DROSHA: variants seen among roughly 807,000 people sequenced by gnomAD.
The protein encoded by DROSHA is ribonuclease 3.
In DROSHA, 56 loss-of-function variants were observed where a neutral mutation model predicts 181.9. The ratio of observed to expected loss-of-function variants is 0.31; its 90% CI spans 0.25 to 0.38. DROSHA has a LOEUF of 0.38. Ranked by LOEUF, DROSHA falls within the 10% of genes least tolerant of loss-of-function variation. The pLI is 1.00. For synonymous variants in DROSHA, 524 were observed against 591.2 expected (o/e 0.89, Z 1.65); for missense variants, 1,218 against 1,743.5 (o/e 0.70, Z 5.37).
intron 13 of DROSHA, among the ~76,000 whole-genome samples, chr5:31,489,675 A>C (rs1358933632): frequency 6.6e-6 from 1 of 152,118 alleles, no homozygotes; most frequent in Non-Finnish European, 1.5e-5. Context: ...CCTAGCAAAA[A>C]AACTCAAAAA....
chr5:31,480,443 G>A (rs1446058023), intron 16 of DROSHA, among the ~76,000 whole-genome samples: 1 of 151,974 alleles, frequency 6.6e-6, no homozygotes, highest in African/African-American at 2.4e-5. Context: ...TTACCCTTGA[G>A]GGTCTCAGCA....
In DROSHA at chr5:31,431,664, A is replaced by T; in HGVS notation, c.3057T>A (p.Asp1019Glu). 1 of 1,613,860 alleles carries T rather than the reference A, an allele frequency of 6.2e-7. No individual in the cohort carries two copies. The highest frequency in any genetic ancestry group is 8.5e-7 in the Non-Finnish European group (1 of 1,179,830). ...GCCCGTGAGCATACAGCATAAATCG[A>T]TCCAGTTCAAGTTTCTACAAAATTC... is the stretch of plus-strand genomic sequence containing the variant. ...LAMLAKKLEL[D>E]RFMLYAHGPD... Residue 1019 changes from aspartate (D) to glutamate (E), a missense_variant, in exon 26 of 36, where the codon GAT becomes GAA. Asp to Glu is a conservative substitution (Grantham distance 45). This residue lies in a region of DROSHA where 460 missense variants were observed against 774.2 expected (regional missense o/e 0.59). Coordinates refer to ENST00000344624, the MANE Select transcript of DROSHA (RefSeq NM_001382508.1).
In DROSHA at chr5:31,501,335, C is replaced by T. The variant is rs574902251; in HGVS notation, c.1668+3220G>A. The stretch of plus-strand genomic sequence containing the variant: ...TGAATCACAGATCTACCCAGTGGTC[C>T]TTCCCCTGGTCCTTGAATGTACACT... On this transcript the variant is annotated intron_variant, in intron 11 of 35. Transcript: ENST00000344624. 3.3e-4 allele frequency among the ~76,000 whole-genome samples: 50 copies of T among 152,202 alleles called. 1 individual carries two copies. Among genetic ancestry groups the T allele is most frequent in the Middle Eastern group, 6.8e-3 (2 of 294 alleles).
intron 20 of DROSHA, among the ~76,000 whole-genome samples, chr5:31,463,874 T>C (rs1468589818): frequency 6.6e-6 from 1 of 152,206 alleles, no homozygotes; most frequent in Non-Finnish European, 1.5e-5. Flanking sequence ...TCTGCTTGTA[T>C]GGCTGCTGGA....
At chr5:31,486,638 C>A in intron 13 of DROSHA, 76 bp from the exon 14 acceptor site, 1 of 1,318,234 alleles carries the variant, frequency 7.6e-7, no homozygotes, top group East Asian at 2.4e-5. Context: ...TGTTACCTGA[C>A]CCAAAAGGCC....
At chr5:31,489,374 T>C (rs551346386) in intron 13 of DROSHA, among the ~76,000 whole-genome samples, 2 of 152,220 alleles carry the variant, frequency 1.3e-5, no homozygotes, top group African/African-American at 4.8e-5. Context: ...TCTGACCTCT[T>C]CTCTTTGTAT....
chr5:31,410,180 C>G (rs1004915814), intron 31 of DROSHA, among the ~76,000 whole-genome samples: 7 of 152,058 alleles, frequency 4.6e-5, no homozygotes, highest in African/African-American at 1.7e-4. Context: ...AAAAAAAGTT[C>G]TAAGGCTCAG....
chr5:31,451,688 A>G, intron 20 of DROSHA, 48 bp from the exon 21 acceptor site: 1 of 1,424,474 alleles, frequency 7.0e-7, no homozygotes, highest in Non-Finnish European at 9.7e-7. Context: ...AAACTTATAA[A>G]GTCACTTCAT....
intron 14 of DROSHA, among the ~76,000 whole-genome samples, chr5:31,486,044 A>G (rs1469409186): frequency 1.3e-5 from 2 of 152,202 alleles, no homozygotes; most frequent in African/African-American, 4.8e-5. Context: ...GCTGTTGAGC[A>G]CTCGCAATGA....
At chr5:31,497,525 G>A (rs1198897769) in intron 11 of DROSHA, among the ~76,000 whole-genome samples, 1 of 152,224 alleles carries the variant, frequency 6.6e-6, no homozygotes, top group African/African-American at 2.4e-5. Context: ...TTTGGCATGT[G>A]CCTGGTGGCA....
rs369352228 is a variant in DROSHA at position 31,515,218 on chromosome 5, G to A, written c.1060C>T (p.Arg354Cys). Residue 354 changes from arginine (R) to cysteine (C), a missense_variant and splice_region_variant, in exon 8 of 36, where the codon CGC (arginine) becomes TGC (cysteine). Transcript: ENST00000344624. ...WAPPLEIVNHRSPSREKKRAR... is the reference protein window; with the variant it reads ...WAPPLEIVNHCSPSREKKRAR... The stretch of plus-strand genomic sequence containing the variant: ...CTCTTCTTCTCCCTACTTGGGGAGC[G>A]ACTTCAAAAGAGGGCAAAGGAGGTT... The A allele has an allele frequency of 1.4e-5, 22 of 1,606,614 alleles. No homozygotes were observed. In the African/African-American group the frequency reaches 1.5e-4, roughly 11 times the overall value.
chr5:31,521,838 T>C (rs1218534990), intron 5 of DROSHA, among the ~76,000 whole-genome samples: 1 of 152,172 alleles, frequency 6.6e-6, no homozygotes, highest in Non-Finnish European at 1.5e-5. Context: ...AACCTTCCAA[T>C]GTAAAACTGG....
chr5:31,450,631 G>A (rs1415139324), intron 21 of DROSHA, among the ~76,000 whole-genome samples: 1 of 152,084 alleles, frequency 6.6e-6, no homozygotes, highest in Admixed American at 6.5e-5. Context: ...TAAGCTATGG[G>A]TACCCAGGGG....
intron 13 of DROSHA, among the ~76,000 whole-genome samples, chr5:31,487,692 GT>G (rs1427213182): frequency 1.3e-5 from 2 of 152,150 alleles, no homozygotes; most frequent in African/African-American, 4.8e-5. Flanking sequence ...CAGAAAAATA[GT>G]CTTATAATGC....
rs1295516558 is a variant in DROSHA, at chr5:31,437,099, T to A, written c.2942+140A>T. On this transcript the variant is annotated intron_variant, in intron 24 of 35. Transcript: ENST00000344624. ...AGGGCAAGGGCCACAGACATGTGGC[T>A]TCTAAGCTCTACAAAAGAGATAAAA... 3 of 912,430 alleles carry A rather than the reference T, an allele frequency of 3.3e-6. No homozygotes were observed. The East Asian group carries it at 7.9e-5, about 24-fold the overall frequency. The allele number at this position is 912,430 out of a possible 1,614,324, so 56.5% of individuals were successfully genotyped here.
Position 31,468,049 on chromosome 5 carries a change from G to T in DROSHA, c.2256C>A (p.Val752=), listed in dbSNP as rs1015649840. ...VTNPGTKPSS[V]RIDQLDREQF... ...GTTCACGATCCAGTTGATCGATACGGACAGAGCTTGGTTTCTAGAGAGAAA... is the reference window on the plus strand; with the variant it reads ...GTTCACGATCCAGTTGATCGATACGTACAGAGCTTGGTTTCTAGAGAGAAA... Residue 752 remains valine, a synonymous_variant, in exon 18 of 36, where the codon GTC becomes GTA. Transcript: ENST00000344624. 3.1e-6 allele frequency: 5 copies of T among 1,610,726 alleles called. No individual in the cohort carries two copies. In the African/African-American group the frequency reaches 5.3e-5, roughly 17 times the overall value.
At chr5:31,482,049 A>C (rs1011972985) in intron 16 of DROSHA, among the ~76,000 whole-genome samples, 1 of 152,186 alleles carries the variant, frequency 6.6e-6, no homozygotes, top group Non-Finnish European at 1.5e-5. Context: ...TGAGGGAGAC[A>C]AGGGCTCCTG....
intron 23 of DROSHA, among the ~76,000 whole-genome samples, chr5:31,439,518 G>A (rs1745299406): frequency 6.6e-6 from 1 of 152,130 alleles, no homozygotes; most frequent in South Asian, 2.1e-4. Flanking sequence ...GTGCAGGTTT[G>A]TTACATAGGT....
intron 11 of DROSHA, among the ~76,000 whole-genome samples, 191 bp from the exon 12 acceptor site, chr5:31,495,563 T>C (rs921804640): frequency 6.6e-6 from 1 of 152,184 alleles, no homozygotes; most frequent in African/African-American, 2.4e-5. Context: ...AGTCTCCAGC[T>C]CTCAGCCGCT....
Sources: gnomAD v4.1 joint callset for allele counts (sites outside exome capture counted in the v4.1 genomes callset) on GRCh38, gnomAD v4.1.1 for gene constraint, gnomAD v4.1.1 regional missense constraint, MANE v1.5 for transcripts, NCBI Gene and HGNC (gene_info 2026-07-23, HGNC 2026-07-21) for gene names.